CELF4: variants seen among roughly 807,000 people sequenced by gnomAD.
CELF4 encodes CUGBP Elav-like family member 4, also known as CUG-BP- and ETR-3-like factor 4.
CELF4 carries 18 observed loss-of-function variants against 59.9 expected under a neutral mutation model. The observed-to-expected ratio is 0.30, with a 90% CI of 0.21 to 0.45. The LOEUF is 0.45. CELF4 is among the 20% of genes least tolerant of loss of function. CELF4 has a pLI of 1.00. For missense variants in CELF4, 456 were observed against 689.0 expected, an observed-to-expected ratio of 0.66 and a Z score of 3.79; for synonymous variants, 261 against 267.1, an observed-to-expected ratio of 0.98 and a Z score of 0.22.
intron 8 of CELF4, among the ~76,000 whole-genome samples, chr18:37,269,417 A>G (rs2090052792): frequency 6.6e-6 from 1 of 152,152 alleles, no homozygotes; most frequent in African/African-American, 2.4e-5. Flanking sequence ...ACTTTTATAT[A>G]CTACAAATGC....
intron 1 of CELF4, among the ~76,000 whole-genome samples, chr18:37,558,862 T>C (rs972212416): frequency 2.6e-5 from 4 of 151,422 alleles, no homozygotes; most frequent in Non-Finnish European, 5.9e-5. Flanking sequence ...TCGCCTGGAA[T>C]ACCAAGAGGC....
chr18:37,461,532 G>A (rs1282614415), intron 2 of CELF4, among the ~76,000 whole-genome samples: 2 of 152,306 alleles, frequency 1.3e-5, no homozygotes, highest in East Asian at 3.9e-4. Flanking sequence ...CTCCCACCAG[G>A]TCCCTCCCAC....
chr18:37,312,131 G>GAAAAAAA (rs11309116), intron 3 of CELF4, among the ~76,000 whole-genome samples: 1 of 113,058 alleles, frequency 8.8e-6, no homozygotes, highest in Non-Finnish European at 1.8e-5. Context: ...AAAAAAAAAA[G>GAAAAAAA]AAAAAAAAAA....
In CELF4 at chr18:37,466,067, T is replaced by C. The variant is rs147096703; in HGVS notation, c.369+19458A>G. On this transcript the variant is annotated intron_variant, in intron 2 of 12. Coordinates refer to ENST00000420428, the MANE Select transcript of CELF4 (RefSeq NM_020180.4). ...TCAGCTCGCCTCTGCCATCCCCCTT[T>C]CTAGGCCAGCTGGGATGAGGCTCCA... Among the ~76,000 whole-genome samples the C allele has an allele frequency of 3.9e-3, 594 of 152,302 alleles. 3 individuals are homozygous for C. The highest frequency in any genetic ancestry group is 6.8e-3 in the Middle Eastern group (2 of 294).
intron 1 of CELF4, among the ~76,000 whole-genome samples, chr18:37,552,821 G>C (rs764278364): frequency 7.2e-5 from 11 of 152,182 alleles, no homozygotes; most frequent in Non-Finnish European, 1.3e-4. Context: ...TCTCAGCTGG[G>C]GTCTCCTGGA....
intron 2 of CELF4, among the ~76,000 whole-genome samples, chr18:37,425,551 C>T (rs1322970299): frequency 6.6e-6 from 1 of 152,224 alleles, no homozygotes; most frequent in Non-Finnish European, 1.5e-5. Context: ...CTTTAAAAAA[C>T]ATAAAAGAAC....
At position 37,243,861 on chromosome 18, in the gene CELF4, T is replaced by C; in HGVS notation, c.*1381A>G. On this transcript the variant is annotated 3_prime_UTR_variant, in exon 13 of 13. Coordinates refer to ENST00000420428, the MANE Select transcript of CELF4 (RefSeq NM_020180.4). Reference sequence around the variant, plus strand: ...CGTGGAAGGCGAGTGAAGCGGAAGGTGAGTGAAGCGCGCGCAGCTCCCAGA... The same window carrying C: ...CGTGGAAGGCGAGTGAAGCGGAAGGCGAGTGAAGCGCGCGCAGCTCCCAGA... 5.6e-6 allele frequency: 1 copy of C among 179,108 alleles called. No homozygotes were observed. The allele number at this position is 179,108 out of a possible 1,614,324, so 11.1% of individuals were successfully genotyped here. A position where few individuals can be genotyped will look rare whatever the true frequency, so the allele number is the denominator to read the frequency against.
At chr18:37,337,976 T>C (rs1003520969) in intron 2 of CELF4, among the ~76,000 whole-genome samples, 5 of 152,304 alleles carry the variant, frequency 3.3e-5, no homozygotes, top group Admixed American at 3.3e-4. Flanking sequence ...ACCACCACCA[T>C]GTCACTGTCA....
chr18:37,327,432 A>T (rs888289990), intron 2 of CELF4, among the ~76,000 whole-genome samples: 2 of 151,766 alleles, frequency 1.3e-5, no homozygotes, highest in Admixed American at 1.3e-4. Context: ...CCTTACTAGG[A>T]CTCCCCGAGG....
chr18:37,387,976 C>T (rs2099117186), intron 2 of CELF4, among the ~76,000 whole-genome samples: 1 of 152,056 alleles, frequency 6.6e-6, no homozygotes, highest in Non-Finnish European at 1.5e-5. Flanking sequence ...TTCCCACCAG[C>T]TGATGAGGTT....
At chr18:37,440,757 T>A (rs986593512) in intron 2 of CELF4, among the ~76,000 whole-genome samples, 1 of 152,108 alleles carries the variant, frequency 6.6e-6, no homozygotes, top group Non-Finnish European at 1.5e-5. Flanking sequence ...ATTTACCCCT[T>A]GCAATCACCT....
At chr18:37,396,570 T>G (rs558415627) in intron 2 of CELF4, among the ~76,000 whole-genome samples, 11 of 152,190 alleles carry the variant, frequency 7.2e-5, no homozygotes, top group Non-Finnish European at 1.3e-4. Context: ...CACAGCTGTG[T>G]CCTCTGCACT....
chr18:37,507,929 T>C (rs1326361692), intron 1 of CELF4, among the ~76,000 whole-genome samples: 1 of 152,174 alleles, frequency 6.6e-6, no homozygotes, highest in Non-Finnish European at 1.5e-5. Flanking sequence ...CCAGCAGTTC[T>C]ACATTCCTCC....
chr18:37,423,127 G>A (rs1480838472), intron 2 of CELF4, among the ~76,000 whole-genome samples: 2 of 151,850 alleles, frequency 1.3e-5, no homozygotes, highest in Non-Finnish European at 2.9e-5. Flanking sequence ...CAGACAGAGA[G>A]AGTCAGAGAG....
chr18:37,527,926 A>G (rs1204786681), intron 1 of CELF4, among the ~76,000 whole-genome samples: 1 of 152,132 alleles, frequency 6.6e-6, no homozygotes, highest in Admixed American at 6.5e-5. Flanking sequence ...TAGCTCTCCA[A>G]CCAGATTTTA....
At chr18:37,445,677 G>C (rs781184561) in intron 2 of CELF4, among the ~76,000 whole-genome samples, 1 of 152,060 alleles carries the variant, frequency 6.6e-6, no homozygotes, top group African/African-American at 2.4e-5. Context: ...GCAGAGGGAC[G>C]GGACAGTTGG....
chr18:37,379,866 AG>A (rs1411826781), intron 2 of CELF4, among the ~76,000 whole-genome samples: 1 of 152,160 alleles, frequency 6.6e-6, no homozygotes, highest in Non-Finnish European at 1.5e-5. Context: ...AGAGAGGCAG[AG>A]GGGTGGATTA....
At chr18:37,389,570 G>T (rs923736636) in intron 2 of CELF4, among the ~76,000 whole-genome samples, 7 of 152,094 alleles carry the variant, frequency 4.6e-5, no homozygotes, top group African/African-American at 1.7e-4. Flanking sequence ...GCTGTGGTCT[G>T]CTCACCATGG....
At chr18:37,509,443 C>T (rs2099941821) in intron 1 of CELF4, among the ~76,000 whole-genome samples, 1 of 152,212 alleles carries the variant, frequency 6.6e-6, no homozygotes, top group Non-Finnish European at 1.5e-5. Flanking sequence ...CTTGATCTAT[C>T]TGAACCTCAG....
Sources: allele counts gnomAD v4.1 joint callset (sites outside exome capture counted in the v4.1 genomes callset), GRCh38; gene constraint gnomAD v4.1.1; transcripts MANE v1.5; gene names NCBI Gene and HGNC (gene_info 2026-07-23, HGNC 2026-07-21).